Variants in SLC4A4 observed in about 807,000 individuals in gnomAD.
SLC4A4 encodes electrogenic sodium bicarbonate cotransporter 1.
A neutral mutation model predicts 111.5 loss-of-function variants in SLC4A4; 27 were observed. That is an observed-to-expected ratio of 0.24 (90% CI 0.18 to 0.33). The LOEUF (loss-of-function observed/expected upper bound fraction) is 0.33. Among genes scored for constraint, SLC4A4 ranks in the 10% least tolerant of loss-of-function variants. The probability of loss-of-function intolerance (pLI) is 1.00; values close to 1 mark genes in which losing one functional copy is unlikely to be tolerated. For synonymous variants in SLC4A4, 443 were observed against 463.4 expected, an observed-to-expected ratio of 0.96 and a Z score of 0.57; for missense variants, 909 against 1,315.5, an observed-to-expected ratio of 0.69 and a Z score of 4.78.
intron 2 of SLC4A4, among the ~76,000 whole-genome samples, chr4:71,098,675 T>C (rs1578476995): frequency 6.6e-6 from 1 of 152,186 alleles, no homozygotes; most frequent in East Asian, 1.9e-4. Context: ...AGTGGCAAGC[T>C]AGATAAAAAG....
chr4:71,247,776 G>A (rs548000040), intron 2 of SLC4A4, among the ~76,000 whole-genome samples: 9 of 152,220 alleles, frequency 5.9e-5, no homozygotes, highest in East Asian at 5.8e-4. Flanking sequence ...GCAGTAGCCC[G>A]TGTGGGGTGG....
chr4:71,173,756 C>G (rs1745009338), intron 2 of SLC4A4, among the ~76,000 whole-genome samples: 4 of 152,132 alleles, frequency 2.6e-5, no homozygotes, highest in Admixed American at 2.6e-4. Context: ...TCCAAACTCC[C>G]TCAAATTTTG....
intron 2 of SLC4A4, among the ~76,000 whole-genome samples, chr4:71,092,900 C>T (rs1039722135): frequency 1.2e-4 from 19 of 152,094 alleles, no homozygotes; most frequent in Non-Finnish European, 2.4e-4. Flanking sequence ...ATCACGACCA[C>T]CCTGGCCAAC....
chr4:71,438,459 G>A (rs1724370622), intron 7 of SLC4A4, among the ~76,000 whole-genome samples: 1 of 152,140 alleles, frequency 6.6e-6, no homozygotes, highest in Non-Finnish European at 1.5e-5. Flanking sequence ...AAAGTCTAGG[G>A]AGCTTTAAAA....
chr4:71,212,166 G>T (rs1311861892), intron 1 of SLC4A4, among the ~76,000 whole-genome samples: 1 of 152,100 alleles, frequency 6.6e-6, no homozygotes, highest in Non-Finnish European at 1.5e-5. Context: ...AATAATTTAG[G>T]TCTAATTTTA....
At chr4:71,391,653 A>G (rs1410415367) in intron 6 of SLC4A4, among the ~76,000 whole-genome samples, 1 of 152,024 alleles carries the variant, frequency 6.6e-6, no homozygotes, top group African/African-American at 2.4e-5. Flanking sequence ...TCTTTTTCTT[A>G]TGGCCAGAAA....
intron 6 of SLC4A4, among the ~76,000 whole-genome samples, chr4:71,387,387 T>G (rs1560463248): frequency 6.6e-6 from 1 of 152,210 alleles, no homozygotes; most frequent in African/African-American, 2.4e-5. Flanking sequence ...AGTGTTTTTT[T>G]GTGAATCTGT....
At chr4:71,140,625 A>G (rs188733844) in intron 2 of SLC4A4, among the ~76,000 whole-genome samples, 9 of 152,210 alleles carry the variant, frequency 5.9e-5, no homozygotes, top group Admixed American at 3.9e-4. Context: ...AGCCTGCCTC[A>G]TCTCATTAAA....
At chr4:71,132,624 TTA>T (rs1743738015) in intron 2 of SLC4A4, among the ~76,000 whole-genome samples, 1 of 152,196 alleles carries the variant, frequency 6.6e-6, no homozygotes, top group South Asian at 2.1e-4. Context: ...GCCTTGCATA[TTA>T]TAATAAGATC....
intron 2 of SLC4A4, among the ~76,000 whole-genome samples, chr4:71,118,991 C>A (rs1304916118): frequency 6.6e-6 from 1 of 151,650 alleles, no homozygotes; most frequent in Non-Finnish European, 1.5e-5. Context: ...GGATACATGT[C>A]ATTATGCATT....
At chr4:71,484,863 T>A (rs74681921) in intron 14 of SLC4A4, among the ~76,000 whole-genome samples, 2 of 151,962 alleles carry the variant, frequency 1.3e-5, no homozygotes, top group Non-Finnish European at 2.9e-5. Flanking sequence ...CTTGTAGAGA[T>A]CTTTCACCTT....
intron 2 of SLC4A4, among the ~76,000 whole-genome samples, chr4:71,248,837 T>C (rs932767663): frequency 2.6e-5 from 4 of 152,164 alleles, no homozygotes; most frequent in African/African-American, 9.7e-5. Context: ...CTCACCTTCA[T>C]CTAAGACTAT....
intron 13 of SLC4A4, among the ~76,000 whole-genome samples, chr4:71,470,031 T>C (rs1727720741): frequency 6.6e-6 from 1 of 152,052 alleles, no homozygotes; most frequent in Non-Finnish European, 1.5e-5. Flanking sequence ...TTCATCTTCT[T>C]GCTAGGGTAG....
chr4:71,230,172 T>A (rs1010826681), intron 1 of SLC4A4, among the ~76,000 whole-genome samples: 2 of 152,208 alleles, frequency 1.3e-5, no homozygotes, highest in African/African-American at 4.8e-5. Flanking sequence ...AATGTGTGTA[T>A]GAGTGTATAA....
Position 71,209,453 on chromosome 4 carries a change from A to G in SLC4A4, c.-2+22052A>G, listed in dbSNP as rs538844846. ...AGGTTCACAGGTGCTGAGGCTTGAA[A>G]CCTTTCTTTTCTTCTTCTTTTGAAT... On this transcript the variant is annotated intron_variant, in intron 1 of 25. Coordinates refer to ENST00000264485, the MANE Select transcript of SLC4A4 (RefSeq NM_001098484.3). Among the ~76,000 whole-genome samples, 5 of 152,132 alleles carry G rather than the reference A, an allele frequency of 3.3e-5. No individual in the cohort carries two copies. In the South Asian group the frequency reaches 1.0e-3, roughly 32 times the overall value.
intron 2 of SLC4A4, among the ~76,000 whole-genome samples, chr4:71,242,828 T>C (rs1720359177): frequency 6.6e-6 from 1 of 152,168 alleles, no homozygotes; most frequent in South Asian, 2.1e-4. Flanking sequence ...ATTGTTTACT[T>C]GCTTAATTCA....
chr4:71,333,661 C>G (rs906520978), intron 3 of SLC4A4, among the ~76,000 whole-genome samples: 2 of 152,192 alleles, frequency 1.3e-5, no homozygotes, highest in East Asian at 3.9e-4. Context: ...CATGCAGGAA[C>G]CAGGGCCTGG....
rs1168374863 is a variant in SLC4A4 at position 71,472,966 on chromosome 4, C to T, written c.1899C>T (p.Asp633=). 7 of 1,612,902 alleles carry T rather than the reference C, an allele frequency of 4.3e-6. No individual in the cohort carries two copies. The highest frequency in any genetic ancestry group is 5.1e-6 in the Non-Finnish European group (6 of 1,179,330). Residue 633 remains aspartate (D), a synonymous_variant, in exon 14 of 26, where the codon GAC becomes GAT. Transcript: ENST00000264485. Reference sequence around the variant, plus strand: ...TTTCCTGTACCTGTGTGCCACCTGACCCAGGTGAGGGCATTACGCTTTGTG... The same window carrying T: ...TTTCCTGTACCTGTGTGCCACCTGATCCAGGTGAGGGCATTACGCTTTGTG... ...TLFSCTCVPP[D]PANISISNDT...
intron 2 of SLC4A4, among the ~76,000 whole-genome samples, chr4:71,158,167 C>T (rs1055284231): frequency 6.6e-6 from 1 of 151,444 alleles, no homozygotes; most frequent in Non-Finnish European, 1.5e-5. Flanking sequence ...CTCTTTCTCT[C>T]TCCCTTTTAT....
Sources: gnomAD v4.1 joint callset for allele counts (sites outside exome capture counted in the v4.1 genomes callset) on GRCh38, gnomAD v4.1.1 for gene constraint, MANE v1.5 for transcripts, NCBI Gene and HGNC (gene_info 2026-07-23, HGNC 2026-07-21) for gene names.